CPSF4L: variants seen among roughly 807,000 people sequenced by gnomAD.
CPSF4L encodes cleavage and polyadenylation specific factor 4 like, also known as putative cleavage and polyadenylation specificity factor subunit 4-like protein.
In CPSF4L, 18 loss-of-function variants were observed where a neutral mutation model predicts 24.0. That is an observed-to-expected ratio of 0.75 (90% CI 0.52 to 1.11). CPSF4L has a LOEUF of 1.11. Ranked by LOEUF, CPSF4L falls within the 50% of genes least tolerant of loss-of-function variation. The pLI, the probability that CPSF4L is intolerant of heterozygous loss-of-function variation, is 0.00. For missense variants in CPSF4L, 211 were observed against 221.8 expected, an observed-to-expected ratio of 0.95 and a Z score of 0.31; for synonymous variants, 72 against 77.2, an observed-to-expected ratio of 0.93 and a Z score of 0.35.
chr17:73,247,635 G>T, downstream of CPSF4L: 1 of 254,240 alleles, frequency 3.9e-6, no homozygotes, highest in Non-Finnish European at 7.6e-6. Context: ...TGATCCATGA[G>T]TCCTAAAAGG....
In CPSF4L at chr17:73,261,768, C is replaced by A. The variant is rs1431606741; in HGVS notation, c.51G>T (p.Lys17Asn). Residue 17 changes from lysine to asparagine, a missense_variant, in exon 1 of 6, where the codon AAG becomes AAT. Physicochemically the swap from Lys to Asn is moderately conservative, Grantham distance 94 (BLOSUM62 0). Transcript: ENST00000344935. ...GLERFTFAFE[K>N]DVEMQKGTGL... ...CAGTGCCCTTCTGCATCTCGACATC[C>A]TTCTCGAAGGCAAAGGTGAACCGCT... 1.3e-6 allele frequency: 2 copies of A among 1,551,722 alleles called. No homozygotes were observed. Among genetic ancestry groups the A allele is most frequent in the Non-Finnish European group, 1.7e-6 (2 of 1,147,016 alleles).
downstream of CPSF4L, among the ~76,000 whole-genome samples, chr17:73,245,926 A>C (rs1201074211): frequency 2.0e-5 from 3 of 152,050 alleles, no homozygotes; most frequent in Non-Finnish European, 4.4e-5. Flanking sequence ...TGCATTACTG[A>C]GAAATTCCTC....
At chr17:73,244,222 A>G (rs1168367087), downstream of CPSF4L, among the ~76,000 whole-genome samples, 1 of 152,186 alleles carries the variant, frequency 6.6e-6, no homozygotes, top group Non-Finnish European at 1.5e-5. Flanking sequence ...AAATATCAGC[A>G]TTTTTGTATA....
intron 5 of CPSF4L, among the ~76,000 whole-genome samples, chr17:73,250,684 C>T (rs2062001750): frequency 6.6e-6 from 1 of 152,158 alleles, no homozygotes; most frequent in South Asian, 2.1e-4. Context: ...GATACGTTCC[C>T]TCCCTTAACC....
downstream of CPSF4L, chr17:73,245,473 T>G: frequency 9.0e-7 from 1 of 1,106,494 alleles, no homozygotes; most frequent in South Asian, 3.8e-5. Flanking sequence ...AAGTTGTTAT[T>G]CAAGGAGATG....
At chr17:73,244,571 A>AC (rs1408222791), downstream of CPSF4L, 2 of 151,516 alleles carry the variant, frequency 1.3e-5, no homozygotes, top group African/African-American at 2.4e-5. Flanking sequence ...AAAAAAAAAA[A>AC]AAAAAAAAAA....
At chr17:73,252,772 G>A (rs1337016991) in intron 4 of CPSF4L, 49 bp from the exon 5 acceptor site, 1 of 1,353,312 alleles carries the variant, frequency 7.4e-7, no homozygotes, top group East Asian at 2.5e-5. Flanking sequence ...CAGCAAGAGG[G>A]GAAAACACAC....
intron 3 of CPSF4L, among the ~76,000 whole-genome samples, chr17:73,254,282 GAGA>G (rs1280006886): frequency 1.3e-5 from 2 of 152,240 alleles, no homozygotes; most frequent in Non-Finnish European, 2.9e-5. Flanking sequence ...ACCCCAGATG[GAGA>G]AGGAGGCACT....
chr17:73,255,823 T>C (rs2062023057), intron 3 of CPSF4L, among the ~76,000 whole-genome samples: 1 of 152,198 alleles, frequency 6.6e-6, no homozygotes, highest in African/African-American at 2.4e-5. Flanking sequence ...GTTGCCGTTC[T>C]GCTGCGTGCA....
the CPSF4L span, chr17:73,242,823 A>G: frequency 8.2e-7 from 1 of 1,222,536 alleles, no homozygotes; most frequent in South Asian, 1.4e-5. Flanking sequence ...TAACTGGGAA[A>G]ACTTGAATGA....
At chr17:73,247,472 G>A (rs575155545), downstream of CPSF4L, 115 of 823,750 alleles carry the variant, frequency 1.4e-4, no homozygotes, top group Non-Finnish European at 2.1e-4. Flanking sequence ...CAGCCCTCAA[G>A]GTTATCAGGA....
At position 73,248,541 on chromosome 17, in the gene CPSF4L, A is replaced by G. The variant is rs1480829115; in HGVS notation, c.498-5T>C. ...AGCTTGAATTCCCGAATCTTCCTGC[A>G]AGGTGCATACAAATGCAGCGTGAGA... is the stretch of plus-strand genomic sequence containing the variant. On this transcript the variant is annotated splice_polypyrimidine_tract_variant and splice_region_variant and intron_variant, in intron 5 of 5. Coordinates refer to ENST00000344935, the MANE Select transcript of CPSF4L (RefSeq NM_001129885.1). The G allele has an allele frequency of 1.3e-6, 2 of 1,551,660 alleles. No homozygotes were observed. The highest frequency in any genetic ancestry group is 2.0e-5 in the Admixed American group (1 of 50,996).
chr17:73,261,809 C>T lies in CPSF4L; in HGVS notation c.10G>A (p.Val4Ile). 1.3e-6 allele frequency: 2 copies of T among 1,551,546 alleles called. No individual in the cohort carries two copies. Among genetic ancestry groups the T allele is most frequent in the Non-Finnish European group, 8.7e-7 (1 of 1,146,790 alleles). Residue 4 changes from valine (V) to isoleucine (I), a missense_variant, in exon 1 of 6, where the codon GTC becomes ATC. Coordinates refer to ENST00000344935, the MANE Select transcript of CPSF4L (RefSeq NM_001129885.1). ...GTGAACCGCTCTAGCCCCGCAATGACCTCTTGCATCTTCCGTCTCCTGCTG... is the reference window on the plus strand; with the variant it reads ...GTGAACCGCTCTAGCCCCGCAATGATCTCTTGCATCTTCCGTCTCCTGCTG... MQE[V>I]IAGLERFTFA...
chr17:73,251,458 T>G (rs1205958034), intron 5 of CPSF4L, among the ~76,000 whole-genome samples: 1 of 152,152 alleles, frequency 6.6e-6, no homozygotes, highest in Non-Finnish European at 1.5e-5. Context: ...CTGTCTGGCC[T>G]CTGTGATACT....
At chr17:73,248,712 C>A in intron 5 of CPSF4L, 176 bp from the exon 6 acceptor site, 1 of 674,792 alleles carries the variant, frequency 1.5e-6, no homozygotes, top group Admixed American at 2.3e-5. Flanking sequence ...GCCTGAATAC[C>A]CCGGCTGTAA....
intron 1 of CPSF4L, 85 bp downstream of exon 1, chr17:73,261,631 A>C (rs1042065574): frequency 3.2e-6 from 3 of 943,698 alleles, no homozygotes; most frequent in Non-Finnish European, 5.0e-6. Context: ...ACTACACTCC[A>C]GCCTGGGCTA....
At chr17:73,263,306 C>T (rs1412471277), upstream of CPSF4L, among the ~76,000 whole-genome samples, 1 of 152,196 alleles carries the variant, frequency 6.6e-6, no homozygotes, top group Non-Finnish European at 1.5e-5. Context: ...ATCTAGGTCT[C>T]TTGATGACTT....
chr17:73,247,146 A>G (rs546026248), downstream of CPSF4L: 480 of 1,073,766 alleles, frequency 4.5e-4, 4 homozygotes, highest in South Asian at 5.6e-3. Context: ...GGTGGCATCC[A>G]TGGCTGTTTC....
chr17:73,249,394 G>T (rs116227509), intron 5 of CPSF4L, among the ~76,000 whole-genome samples: 1 of 152,092 alleles, frequency 6.6e-6, no homozygotes, highest in Non-Finnish European at 1.5e-5. Flanking sequence ...AAAAGAAAAC[G>T]GGCTTGAGGT....
Sources: allele counts gnomAD v4.1 joint callset (sites outside exome capture counted in the v4.1 genomes callset), GRCh38; gene constraint gnomAD v4.1.1; transcripts MANE v1.5; gene names NCBI Gene and HGNC (gene_info 2026-07-23, HGNC 2026-07-21).